GLIS3: variants seen among roughly 807,000 people sequenced by gnomAD.
The protein encoded by GLIS3 is zinc finger protein GLIS3.
GLIS3 carries 53 observed loss-of-function variants against 78.6 expected under a neutral mutation model. The observed-to-expected ratio is 0.67, with a 90% CI of 0.54 to 0.85. The LOEUF is 0.85. Ranked by LOEUF, GLIS3 falls within the 40% of genes least tolerant of loss-of-function variation. The probability of loss-of-function intolerance (pLI) is 0.00; values close to 1 mark genes in which losing one functional copy is unlikely to be tolerated. For synonymous variants in GLIS3, 684 were observed against 509.9 expected (o/e 1.34, Z -4.60); for missense variants, 1,703 against 1,231.1 (o/e 1.38, Z -5.74).
chr9:3,884,731 C>T (rs1270311731), intron 7 of GLIS3, among the ~76,000 whole-genome samples: 3 of 152,138 alleles, frequency 2.0e-5, no homozygotes, highest in African/African-American at 7.2e-5. Context: ...TCTTCTGGTT[C>T]CTGGTTAAGT....
chr9:4,436,057 G>GA, the GLIS3 span, among the ~76,000 whole-genome samples: 1 of 152,158 alleles, frequency 6.6e-6, no homozygotes, highest in Non-Finnish European at 1.5e-5. Context: ...GTTAATATTT[G>GA]AAAAAAGCTC....
At chr9:4,000,970 GTC>G (rs1361159335) in intron 4 of GLIS3, among the ~76,000 whole-genome samples, 2 of 152,014 alleles carry the variant, frequency 1.3e-5, no homozygotes, top group African/African-American at 4.8e-5. Flanking sequence ...TATTTATATT[GTC>G]TCCCCTCCTT....
intron 7 of GLIS3, among the ~76,000 whole-genome samples, chr9:3,883,735 A>G (rs1821888954): frequency 6.6e-6 from 1 of 152,218 alleles, no homozygotes; most frequent in African/African-American, 2.4e-5. Context: ...TCAAGGCTGC[A>G]AGAGGGCTTC....
At chr9:4,486,908 G>A in the GLIS3 span, among the ~76,000 whole-genome samples, 1 of 152,004 alleles carries the variant, frequency 6.6e-6, no homozygotes, top group Non-Finnish European at 1.5e-5. Context: ...AAGTTGCCCA[G>A]GTTGGTCTCA....
At chr9:4,471,978 T>G in the GLIS3 span, among the ~76,000 whole-genome samples, 3 of 152,170 alleles carry the variant, frequency 2.0e-5, no homozygotes, top group African/African-American at 7.2e-5. Flanking sequence ...AAAGAAGACA[T>G]TTATGCAGCC....
chr9:4,025,187 C>T (rs570423841), intron 4 of GLIS3, among the ~76,000 whole-genome samples: 10 of 151,768 alleles, frequency 6.6e-5, no homozygotes, highest in East Asian at 2.0e-4. Flanking sequence ...AGGAGGCAGA[C>T]GTTGCAGTGA....
At chr9:4,026,227 C>T (rs769179604) in intron 4 of GLIS3, among the ~76,000 whole-genome samples, 2 of 152,276 alleles carry the variant, frequency 1.3e-5, no homozygotes, top group African/African-American at 2.4e-5. Flanking sequence ...GTGGATTTAC[C>T]CACGTAGTAT....
At chr9:4,291,514 T>G (rs189502681) in intron 1 of GLIS3, among the ~76,000 whole-genome samples, 1 of 152,272 alleles carries the variant, frequency 6.6e-6, no homozygotes, top group Admixed American at 6.5e-5. Flanking sequence ...GTGAAAGGAC[T>G]GGCCATGTCA....
chr9:4,236,142 G>A (rs144411369), intron 2 of GLIS3, among the ~76,000 whole-genome samples: 5 of 125,000 alleles, frequency 4.0e-5, no homozygotes, highest in African/African-American at 9.2e-5. Context: ...AGCTGGAGTA[G>A]TGCTCCCTGG....
At chr9:3,976,150 CT>C (rs1045998451) in intron 4 of GLIS3, among the ~76,000 whole-genome samples, 35 of 152,230 alleles carry the variant, frequency 2.3e-4, no homozygotes, top group African/African-American at 8.2e-4. Flanking sequence ...AAATGCAATC[CT>C]GCCCCCATAT....
At chr9:4,188,330 A>T (rs563243075) in intron 2 of GLIS3, among the ~76,000 whole-genome samples, 2 of 149,186 alleles carry the variant, frequency 1.3e-5, no homozygotes, top group East Asian at 3.9e-4. Context: ...CCAGCCTTGC[A>T]TCCCAGGGAT....
At chr9:4,348,943 A>G (rs975863929), upstream of GLIS3, among the ~76,000 whole-genome samples, 1 of 152,140 alleles carries the variant, frequency 6.6e-6, no homozygotes, top group Non-Finnish European at 1.5e-5. Flanking sequence ...CATTTTTTCC[A>G]TAGGAAACAT....
rs575722769 is a variant in GLIS3 at position 3,888,297 on chromosome 9, C to T, written c.2129-8702G>A. Among the ~76,000 whole-genome samples, 417 of 152,298 alleles carry T rather than the reference C, an allele frequency of 2.7e-3. 2 individuals are homozygous for T. The highest frequency in any genetic ancestry group is 4.9e-3 in the Non-Finnish European group (331 of 68,016). On this transcript the variant is annotated intron_variant, in intron 7 of 10. Transcript: ENST00000381971. Reference sequence around the variant, plus strand: ...TCCTCATTACTCATGCCTCAACTATCTCCTACCTGTACCATGTTGACCACA... The same window carrying T: ...TCCTCATTACTCATGCCTCAACTATTTCCTACCTGTACCATGTTGACCACA...
At chr9:3,932,683 C>T (rs993346869) in intron 5 of GLIS3, 1 of 512,424 alleles carries the variant, frequency 2.0e-6, no homozygotes, top group Non-Finnish European at 3.6e-6. Context: ...AAAGAGATGC[C>T]CTATCCTTGA....
At chr9:4,487,076 C>G in the GLIS3 span, among the ~76,000 whole-genome samples, 3 of 152,114 alleles carry the variant, frequency 2.0e-5, no homozygotes, top group Non-Finnish European at 4.4e-5. Flanking sequence ...TTTCTTTTGT[C>G]ATATTCTCCA....
chr9:3,907,001 C>T (rs1823750527), intron 6 of GLIS3, among the ~76,000 whole-genome samples: 1 of 152,138 alleles, frequency 6.6e-6, no homozygotes, highest in Non-Finnish European at 1.5e-5. Context: ...AATGAAACCT[C>T]CCCTGACCAG....
chr9:4,198,677 G>C lies in GLIS3; in HGVS notation c.389-72736C>G, dbSNP rs1388729469. On this transcript the variant is annotated intron_variant, in intron 2 of 10. Coordinates refer to ENST00000381971, the MANE Select transcript of GLIS3 (RefSeq NM_001042413.2). The stretch of plus-strand genomic sequence containing the variant: ...CAAGAAAATTTCCCCAATCTTGCTA[G>C]AGAGGCAGACACCTAGATACAAGAA... Among the ~76,000 whole-genome samples, 5 of 152,238 alleles carry C rather than the reference G, an allele frequency of 3.3e-5. No homozygotes were observed. In the East Asian group the frequency reaches 9.6e-4, roughly 29 times the overall value.
the GLIS3 span, among the ~76,000 whole-genome samples, chr9:4,384,373 G>A: frequency 2.6e-5 from 4 of 151,924 alleles, no homozygotes; most frequent in African/African-American, 9.7e-5. Context: ...AATTCCAAAT[G>A]AAGATAAAAA....
In GLIS3 at chr9:4,040,137, T is replaced by G. The variant is rs144939475; in HGVS notation, c.1710+77631A>C. Among the ~76,000 whole-genome samples, 372 of 152,272 alleles carry G rather than the reference T, an allele frequency of 2.4e-3. 3 individuals are homozygous for G. Among genetic ancestry groups the G allele is most frequent in the African/African-American group, 8.3e-3 (343 of 41,558 alleles). ...ACTTAACTGGCCAAATATTTACCCA[T>G]TAATACCTTTATTTATGGAGGGGTG... On this transcript the variant is annotated intron_variant, in intron 4 of 10. Coordinates refer to ENST00000381971, the MANE Select transcript of GLIS3 (RefSeq NM_001042413.2).
Sources: allele counts gnomAD v4.1 joint callset (sites outside exome capture counted in the v4.1 genomes callset), GRCh38; gene constraint gnomAD v4.1.1; transcripts MANE v1.5; gene names NCBI Gene and HGNC (gene_info 2026-07-23, HGNC 2026-07-21).